The following KCTD16 variants were observed in gnomAD, a reference collection of about 807,000 sequenced individuals.
The protein encoded by KCTD16 is BTB/POZ domain-containing protein KCTD16.
A neutral mutation model predicts 33.2 loss-of-function variants in KCTD16; 13 were observed. The ratio of observed to expected loss-of-function variants is 0.39; its 90% CI spans 0.25 to 0.62. KCTD16 has a LOEUF of 0.62. KCTD16 is among the 20% of genes least tolerant of loss of function. The pLI is 0.50. For synonymous variants in KCTD16, 197 were observed against 195.3 expected (o/e 1.01, Z -0.07); for missense variants, 441 against 525.1 (o/e 0.84, Z 1.57).
chr5:144,459,979 T>C (rs999290142), intron 3 of KCTD16, among the ~76,000 whole-genome samples: 1 of 151,836 alleles, frequency 6.6e-6, no homozygotes, highest in Non-Finnish European at 1.5e-5. Flanking sequence ...ACTACAGGCA[T>C]CTGCCACCAC....
chr5:144,222,619 G>A (rs984465821), intron 3 of KCTD16, among the ~76,000 whole-genome samples: 3 of 152,064 alleles, frequency 2.0e-5, no homozygotes, highest in Non-Finnish European at 2.9e-5. Flanking sequence ...TTAGAATGGC[G>A]ATCATTAAAA....
At chr5:144,322,737 A>C (rs561834448) in intron 3 of KCTD16, among the ~76,000 whole-genome samples, 6 of 152,122 alleles carry the variant, frequency 3.9e-5, no homozygotes, top group South Asian at 2.1e-4. Flanking sequence ...TAAAAAAAAA[A>C]AAAACAAAAA....
chr5:144,210,514 T>C (rs887209427), intron 3 of KCTD16, among the ~76,000 whole-genome samples: 2 of 152,180 alleles, frequency 1.3e-5, no homozygotes, highest in African/African-American at 4.8e-5. Context: ...GAAGGTTTCT[T>C]TACTACTTTC....
At chr5:144,390,048 C>T (rs1053825714) in intron 3 of KCTD16, among the ~76,000 whole-genome samples, 8 of 152,172 alleles carry the variant, frequency 5.3e-5, no homozygotes, top group African/African-American at 1.4e-4. Flanking sequence ...ATTTCAAAAA[C>T]TTCTTTTATC....
intron 3 of KCTD16, among the ~76,000 whole-genome samples, chr5:144,236,403 C>T (rs762807839): frequency 1.3e-5 from 2 of 152,058 alleles, no homozygotes; most frequent in African/African-American, 2.4e-5. Context: ...GGGCATGGAA[C>T]ATTGAAGGGA....
intron 3 of KCTD16, among the ~76,000 whole-genome samples, chr5:144,330,164 G>A (rs1006474017): frequency 6.6e-6 from 1 of 152,102 alleles, no homozygotes; most frequent in Non-Finnish European, 1.5e-5. Context: ...TGTAATCCCA[G>A]CACTTTGGGA....
chr5:144,233,443 C>T (rs776952908), intron 3 of KCTD16, among the ~76,000 whole-genome samples: 11 of 152,006 alleles, frequency 7.2e-5, no homozygotes, highest in Admixed American at 3.9e-4. Context: ...TCTTAACTGC[C>T]GGAGCTTTCT....
At chr5:144,433,780 T>C (rs1402194995) in intron 3 of KCTD16, among the ~76,000 whole-genome samples, 1 of 152,174 alleles carries the variant, frequency 6.6e-6, no homozygotes, top group Non-Finnish European at 1.5e-5. Flanking sequence ...ATGTTTGAAG[T>C]CCTTAAAGCC....
chr5:144,354,317 T>C (rs568129322), intron 3 of KCTD16, among the ~76,000 whole-genome samples: 156 of 152,302 alleles, frequency 1.0e-3, no homozygotes, highest in Middle Eastern at 3.4e-3. Flanking sequence ...CTTATTAATA[T>C]TGTTCAATAG....
At chr5:144,291,909 T>G (rs542735323) in intron 3 of KCTD16, among the ~76,000 whole-genome samples, 21 of 152,338 alleles carry the variant, frequency 1.4e-4, no homozygotes, top group Admixed American at 3.3e-4. Flanking sequence ...TATTTCAGAT[T>G]CTCAAAATAT....
At chr5:144,347,527 G>A (rs1458276333) in intron 3 of KCTD16, among the ~76,000 whole-genome samples, 2 of 152,116 alleles carry the variant, frequency 1.3e-5, no homozygotes, top group South Asian at 4.1e-4. Flanking sequence ...CTGGGGAGGC[G>A]GAAGTTGCAG....
intron 3 of KCTD16, among the ~76,000 whole-genome samples, chr5:144,281,255 C>A (rs1755601974): frequency 6.6e-6 from 1 of 152,050 alleles, no homozygotes; most frequent in South Asian, 2.1e-4. Context: ...ATATGCTGTT[C>A]TTTTTCTTGT....
chr5:144,347,107 T>G (rs1752823059), intron 3 of KCTD16, among the ~76,000 whole-genome samples: 1 of 152,184 alleles, frequency 6.6e-6, no homozygotes, highest in Non-Finnish European at 1.5e-5. Context: ...TCTGATGTGA[T>G]TAGATTACAT....
At chr5:144,312,602 C>T (rs566900746) in intron 3 of KCTD16, among the ~76,000 whole-genome samples, 116 of 152,312 alleles carry the variant, frequency 7.6e-4, no homozygotes, top group Non-Finnish European at 1.4e-3. Context: ...ATGCCACTTG[C>T]AGTCTAATTT....
chr5:144,297,533 C>T (rs1236334679), intron 3 of KCTD16, among the ~76,000 whole-genome samples: 3 of 152,166 alleles, frequency 2.0e-5, no homozygotes, highest in Admixed American at 2.0e-4. Context: ...CAGTAGGTCT[C>T]CTTTTAATAT....
intron 3 of KCTD16, among the ~76,000 whole-genome samples, chr5:144,432,805 T>C (rs1384426128): frequency 6.6e-6 from 1 of 152,198 alleles, no homozygotes; most frequent in Non-Finnish European, 1.5e-5. Flanking sequence ...TACAGCTTTT[T>C]ATGTTTGTTT....
At chr5:144,414,240 C>T (rs58987397) in intron 3 of KCTD16, among the ~76,000 whole-genome samples, 8,122 of 152,172 alleles carry the variant, frequency 0.053, 749 homozygotes, top group African/African-American at 0.19. Flanking sequence ...TTCCTCTCCA[C>T]GGTGTCGACA....
chr5:144,269,432 G>A (rs751543334), intron 3 of KCTD16, among the ~76,000 whole-genome samples: 4 of 151,854 alleles, frequency 2.6e-5, no homozygotes, highest in Non-Finnish European at 4.4e-5. Flanking sequence ...GAAAACAAGG[G>A]GGTGATATAT....
At chr5:144,414,954 C>T (rs1263559291) in intron 3 of KCTD16, among the ~76,000 whole-genome samples, 1 of 152,150 alleles carries the variant, frequency 6.6e-6, no homozygotes, top group African/African-American at 2.4e-5. Context: ...TTTGATTGGT[C>T]TGAAGCTATT....
Sources: allele counts gnomAD v4.1 joint callset (sites outside exome capture counted in the v4.1 genomes callset), GRCh38; gene constraint gnomAD v4.1.1; transcripts MANE v1.5; gene names NCBI Gene and HGNC (gene_info 2026-07-23, HGNC 2026-07-21).